Variants in ORC2 observed in about 807,000 individuals in gnomAD.
ORC2 encodes origin recognition complex protein 2 homolog.
ORC2 carries 37 observed loss-of-function variants against 77.7 expected under a neutral mutation model. That is an observed-to-expected ratio of 0.48 (90% CI 0.37 to 0.63). The LOEUF (loss-of-function observed/expected upper bound fraction) is 0.63, where lower values mean the gene tolerates loss of function less well. ORC2 is among the 20% of genes least tolerant of loss of function. The pLI is 0.00. For synonymous variants in ORC2, 201 were observed against 229.5 expected, an observed-to-expected ratio of 0.88 and a Z score of 1.12; for missense variants, 557 against 661.9, an observed-to-expected ratio of 0.84 and a Z score of 1.74.
intron 15 of ORC2, among the ~76,000 whole-genome samples, chr2:200,918,596 C>T (rs2040700399): frequency 6.6e-6 from 1 of 150,946 alleles, no homozygotes; most frequent in South Asian, 2.1e-4. Flanking sequence ...TCAAGCGATT[C>T]TCCCACTTCA....
chr2:200,916,553 C>T (rs147491326), intron 15 of ORC2, among the ~76,000 whole-genome samples: 1 of 152,150 alleles, frequency 6.6e-6, no homozygotes, highest in Non-Finnish European at 1.5e-5. Context: ...CTGCATGGAC[C>T]CTCAACTTTA....
In ORC2 at chr2:200,920,281, AGAC is replaced by A; in HGVS notation, c.1404_1406del (p.Gln468_Ser469delinsHis). Reference sequence around the variant, plus strand: ...TAAGGGAGCTAAGTGGCAGGGATCCAGACTGCTTTACCAGAAGAGAGTTCTCAT... The same window carrying A: ...TAAGGGAGCTAAGTGGCAGGGATCCATGCTTTACCAGAAGAGAGTTCTCAT... On this transcript the variant is annotated inframe_deletion, in exon 15 of 18. Transcript: ENST00000234296. 1 of 1,613,974 alleles carries A rather than the reference AGAC, an allele frequency of 6.2e-7. No homozygotes were observed. Among genetic ancestry groups the A allele is most frequent in the East Asian group, 2.2e-5 (1 of 44,838 alleles).
intron 4 of ORC2, among the ~76,000 whole-genome samples, 155 bp downstream of exon 4, chr2:200,957,246 A>G (rs893000013): frequency 3.3e-5 from 5 of 152,246 alleles, no homozygotes; most frequent in Admixed American, 2.0e-4. Flanking sequence ...TTGTTAAAAA[A>G]AAGAACTATG....
chr2:200,938,460 C>A, intron 7 of ORC2, among the ~76,000 whole-genome samples: 1 of 152,090 alleles, frequency 6.6e-6, no homozygotes, highest in Non-Finnish European at 1.5e-5. Flanking sequence ...GTATTACATT[C>A]TTTGAGGAGA....
At chr2:200,953,583 T>G (rs927588416) in intron 4 of ORC2, among the ~76,000 whole-genome samples, 1 of 152,162 alleles carries the variant, frequency 6.6e-6, no homozygotes, top group South Asian at 2.1e-4. Flanking sequence ...TTTCCACTTA[T>G]GGGTATAAAC....
At chr2:200,962,779 GTGCTATTTTTCT>G (rs2041604086) in intron 1 of ORC2, among the ~76,000 whole-genome samples, 2 of 152,146 alleles carry the variant, frequency 1.3e-5, no homozygotes, top group Non-Finnish European at 2.9e-5. Flanking sequence ...GTGTAGGGCC[GTGCTATTTTTCT>G]TCAGATTGCA....
At chr2:200,954,900 G>GAATAAATAAATA (rs201884834) in intron 4 of ORC2, among the ~76,000 whole-genome samples, 9 of 138,304 alleles carry the variant, frequency 6.5e-5, no homozygotes, top group African/African-American at 2.2e-4. Context: ...ATGAATGAAT[G>GAATAAATAAATA]AATGAATAAA....
chr2:200,935,249 C>A (rs977187861), intron 9 of ORC2, among the ~76,000 whole-genome samples: 1 of 152,110 alleles, frequency 6.6e-6, no homozygotes, highest in Non-Finnish European at 1.5e-5. Flanking sequence ...CAGCCTCCCG[C>A]GTAGCTGGGA....
intron 7 of ORC2, among the ~76,000 whole-genome samples, chr2:200,939,742 T>C (rs755621727): frequency 1.1e-4 from 17 of 152,260 alleles, no homozygotes; most frequent in Non-Finnish European, 2.1e-4. Context: ...ATGTTGTCTC[T>C]TATTGTGATA....
At chr2:200,954,721 A>G (rs1304572896) in intron 4 of ORC2, among the ~76,000 whole-genome samples, 2 of 152,156 alleles carry the variant, frequency 1.3e-5, no homozygotes, top group Non-Finnish European at 2.9e-5. Flanking sequence ...GTCACAGTAC[A>G]TAAACAGATA....
chr2:200,960,593 T>C (rs975818756), intron 1 of ORC2, among the ~76,000 whole-genome samples: 16 of 152,174 alleles, frequency 1.1e-4, no homozygotes, highest in Non-Finnish European at 7.3e-5. Context: ...CACCAGCTCA[T>C]TAAATCCTCA....
Position 200,957,442 on chromosome 2 carries a change from T to C in ORC2, c.197A>G (p.Lys66Arg). 1 of 1,610,848 alleles carries C rather than the reference T, an allele frequency of 6.2e-7. No homozygotes were observed. Among genetic ancestry groups the C allele is most frequent in the Non-Finnish European group, 8.5e-7 (1 of 1,178,610 alleles). Residue 66 changes from lysine (K) to arginine (R), a missense_variant, in exon 4 of 18, where the codon AAA becomes AGA. Physicochemically the swap from Lys to Arg is conservative, Grantham distance 26 (BLOSUM62 2). Transcript: ENST00000234296. Reference protein sequence around the residue: ...DLEEDDQEVLKDQNYVEIMGR... With the variant: ...DLEEDDQEVLRDQNYVEIMGR... ...CATAATTTCCACATAGTTCTGATCT[T>C]TTAAGACCTCCTGGTCATCTTCCTC...
Position 200,942,686 on chromosome 2 carries a change from C to T in ORC2, c.420G>A (p.Lys140=), listed in dbSNP as rs2041175998. 2 of 1,573,446 alleles carry T rather than the reference C, an allele frequency of 1.3e-6. No individual in the cohort carries two copies. Among genetic ancestry groups the T allele is most frequent in the East Asian group, 4.5e-5 (2 of 44,342 alleles). ...EITINVPQSS[K]GHSASDKVQP... is the part of the protein sequence containing the mutation. Reference sequence around the variant, plus strand: ...CAAAGAACTAATGTAATGTCTTACCCTTGCTACTTTGAGGAACGTTTATCG... The same window carrying T: ...CAAAGAACTAATGTAATGTCTTACCTTTGCTACTTTGAGGAACGTTTATCG... The change falls in exon 6 of 18, where the codon AAG becomes AAA. Residue 140 remains lysine, a splice_region_variant and synonymous_variant. Transcript: ENST00000234296.
At chr2:200,956,559 G>A (rs1436344055) in intron 4 of ORC2, among the ~76,000 whole-genome samples, 1 of 152,030 alleles carries the variant, frequency 6.6e-6, no homozygotes, top group Non-Finnish European at 1.5e-5. Context: ...CAAACTCCTG[G>A]GCTCAAGCAG....
intron 4 of ORC2, among the ~76,000 whole-genome samples, chr2:200,956,867 A>G (rs1261518622): frequency 6.6e-6 from 1 of 152,234 alleles, no homozygotes; most frequent in East Asian, 1.9e-4. Flanking sequence ...TTGCAGGGAC[A>G]TGTATGAAGC....
intron 8 of ORC2, among the ~76,000 whole-genome samples, chr2:200,936,498 G>C (rs991512025): frequency 2.0e-5 from 3 of 152,186 alleles, no homozygotes; most frequent in African/African-American, 7.2e-5. Flanking sequence ...AATGCTGGTG[G>C]CAGAGTAAAA....
At chr2:200,939,650 G>A (rs751818737) in intron 7 of ORC2, among the ~76,000 whole-genome samples, 1 of 152,132 alleles carries the variant, frequency 6.6e-6, no homozygotes, top group East Asian at 1.9e-4. Flanking sequence ...TAAGCCACTT[G>A]AGCCCAGGAT....
intron 15 of ORC2, among the ~76,000 whole-genome samples, chr2:200,918,544 A>G (rs1273789121): frequency 2.0e-5 from 3 of 148,716 alleles, no homozygotes; most frequent in Non-Finnish European, 4.4e-5. Context: ...GCTGGAGTGC[A>G]GTGGCGTGAT....
intron 13 of ORC2, among the ~76,000 whole-genome samples, chr2:200,925,583 T>TA (rs2040826781): frequency 6.6e-6 from 1 of 151,764 alleles, no homozygotes; most frequent in South Asian, 2.1e-4. Context: ...CTACAAATAA[T>TA]AAAAAATTAG....
Sources: allele counts gnomAD v4.1 joint callset (sites outside exome capture counted in the v4.1 genomes callset), GRCh38; gene constraint gnomAD v4.1.1; transcripts MANE v1.5; gene names NCBI Gene and HGNC (gene_info 2026-07-23, HGNC 2026-07-21).